The following CSMD1 variants were observed in gnomAD, a reference collection of about 807,000 sequenced individuals.
CSMD1 encodes the protein CUB and Sushi multiple domains 1, also known as CUB and sushi domain-containing protein 1.
Under a neutral mutation model 417.5 loss-of-function variants are expected in CSMD1, and 213 were observed. That is an observed-to-expected ratio of 0.51 (90% CI 0.46 to 0.57). CSMD1 has a LOEUF of 0.57. CSMD1 is among the 20% of genes least tolerant of loss of function. CSMD1 has a pLI of 0.00. For synonymous variants in CSMD1, 2,862 were observed against 1,736.8 expected (o/e 1.65, Z -16.11); for missense variants, 6,923 against 4,529.7 (o/e 1.53, Z -15.17).
intron 12 of CSMD1, among the ~76,000 whole-genome samples, chr8:3,419,031 G>C (rs945607555): frequency 1.3e-5 from 2 of 152,152 alleles, no homozygotes. Flanking sequence ...TTATACTCGA[G>C]GCATACAAAT....
chr8:4,202,569 T>C (rs1479488855), intron 3 of CSMD1, among the ~76,000 whole-genome samples: 1 of 152,334 alleles, frequency 6.6e-6, no homozygotes, highest in Non-Finnish European at 1.5e-5. Context: ...AAATTACTCC[T>C]GTATTCATTC....
chr8:4,330,471 A>T (rs11136730), intron 3 of CSMD1, among the ~76,000 whole-genome samples: 83,184 of 151,560 alleles, frequency 0.55, 24,625 homozygotes, highest in East Asian at 0.74. Context: ...GTGCCTGTAA[A>T]CCCAGCTACT....
At chr8:4,750,296 A>G (rs111490468) in intron 1 of CSMD1, among the ~76,000 whole-genome samples, 1,646 of 152,284 alleles carry the variant, frequency 0.011, 45 homozygotes, top group African/African-American at 0.038. Context: ...GTGAACCACC[A>G]TGCCCGGCCC....
intron 10 of CSMD1, among the ~76,000 whole-genome samples, chr8:3,501,245 C>T (rs928237359): frequency 6.6e-6 from 1 of 152,098 alleles, no homozygotes; most frequent in Non-Finnish European, 1.5e-5. Context: ...TACACACATG[C>T]TCACACACAC....
At chr8:4,346,510 T>C (rs1456731202) in intron 3 of CSMD1, among the ~76,000 whole-genome samples, 1 of 152,152 alleles carries the variant, frequency 6.6e-6, no homozygotes, top group Non-Finnish European at 1.5e-5. Context: ...CATTATTGTC[T>C]AAACTGAATT....
chr8:4,835,928 C>T (rs1800449989), intron 1 of CSMD1, among the ~76,000 whole-genome samples: 1 of 151,924 alleles, frequency 6.6e-6, no homozygotes, highest in South Asian at 2.1e-4. Context: ...ATTATAAGTA[C>T]AAAGGAGGGA....
chr8:3,499,187 G>C (rs914230885), intron 10 of CSMD1, among the ~76,000 whole-genome samples: 22 of 152,122 alleles, frequency 1.4e-4, no homozygotes, highest in African/African-American at 4.6e-4. Flanking sequence ...GTGTCAGTTG[G>C]GTAGGGTGCT....
At chr8:4,914,731 A>G (rs1215988670) in intron 1 of CSMD1, among the ~76,000 whole-genome samples, 2 of 152,228 alleles carry the variant, frequency 1.3e-5, no homozygotes, top group African/African-American at 4.8e-5. Context: ...ACGTTTTCAC[A>G]CTTAAGAGGC....
At chr8:4,462,506 T>C (rs1346924530) in intron 2 of CSMD1, among the ~76,000 whole-genome samples, 2 of 152,118 alleles carry the variant, frequency 1.3e-5, no homozygotes, top group Non-Finnish European at 2.9e-5. Flanking sequence ...CTAAAATGCA[T>C]ATGGATATTC....
intron 33 of CSMD1, among the ~76,000 whole-genome samples, chr8:3,192,479 T>C (rs1796483262): frequency 6.6e-6 from 1 of 152,146 alleles, no homozygotes; most frequent in Non-Finnish European, 1.5e-5. Flanking sequence ...GATGACTTAG[T>C]TTATGAAACA....
At chr8:4,126,561 G>C (rs936925823) in intron 3 of CSMD1, among the ~76,000 whole-genome samples, 10 of 152,144 alleles carry the variant, frequency 6.6e-5, no homozygotes, top group African/African-American at 2.4e-4. Flanking sequence ...CCACAATTGT[G>C]GGATGGAGAC....
intron 15 of CSMD1, among the ~76,000 whole-genome samples, chr8:3,405,569 G>C (rs768582972): frequency 6.6e-6 from 1 of 151,964 alleles, no homozygotes; most frequent in Non-Finnish European, 1.5e-5. Context: ...TTGAAGATTG[G>C]GTACTTGCAG....
chr8:4,517,619 C>G (rs1368434438), intron 2 of CSMD1, among the ~76,000 whole-genome samples: 2 of 152,156 alleles, frequency 1.3e-5, no homozygotes, highest in Non-Finnish European at 2.9e-5. Flanking sequence ...ATGCACGAGC[C>G]TTTAAACACC....
intron 1 of CSMD1, among the ~76,000 whole-genome samples, chr8:4,834,323 G>A (rs1222539380): frequency 1.3e-5 from 2 of 152,152 alleles, no homozygotes; most frequent in Non-Finnish European, 2.9e-5. Context: ...AGAAAAACAG[G>A]TAAGATTTAC....
At chr8:4,315,159 C>CGGAGACAG (rs966860251) in intron 3 of CSMD1, among the ~76,000 whole-genome samples, 5 of 152,184 alleles carry the variant, frequency 3.3e-5, no homozygotes, top group African/African-American at 1.2e-4. Context: ...CCACACCTAC[C>CGGAGACAG]GGAGACAGAT....
At chr8:3,627,531 G>A (rs188182433) in intron 7 of CSMD1, among the ~76,000 whole-genome samples, 1 of 152,230 alleles carries the variant, frequency 6.6e-6, no homozygotes, top group African/African-American at 2.4e-5. Flanking sequence ...CTTTTAGTAT[G>A]TTCCTCATCA....
At chr8:3,726,951 G>A (rs1802533938) in intron 6 of CSMD1, among the ~76,000 whole-genome samples, 1 of 152,142 alleles carries the variant, frequency 6.6e-6, no homozygotes, top group Admixed American at 6.5e-5. Context: ...ACTAAACTCT[G>A]AAGAATTACA....
At chr8:3,316,122 A>T (rs1018679531) in intron 23 of CSMD1, among the ~76,000 whole-genome samples, 1 of 152,180 alleles carries the variant, frequency 6.6e-6, no homozygotes, top group African/African-American at 2.4e-5. Context: ...TACATGGATG[A>T]ACTGAAATAA....
At chr8:4,734,685 A>G (rs1017830142) in intron 1 of CSMD1, among the ~76,000 whole-genome samples, 18 of 152,302 alleles carry the variant, frequency 1.2e-4, no homozygotes, top group African/African-American at 4.3e-4. Flanking sequence ...CCCATTTGAC[A>G]TGAGTGGGCC....
Sources: allele counts gnomAD v4.1 joint callset (sites outside exome capture counted in the v4.1 genomes callset), GRCh38; gene constraint gnomAD v4.1.1; transcripts MANE v1.5; gene names NCBI Gene and HGNC (gene_info 2026-07-23, HGNC 2026-07-21).